The following CABLES1 variants were observed in gnomAD, a reference collection of about 807,000 sequenced individuals.
CABLES1 encodes the protein Cdk5 and Abl enzyme substrate 1.
A neutral mutation model predicts 57.8 loss-of-function variants in CABLES1; 36 were observed. That is an observed-to-expected ratio of 0.62 (90% confidence interval 0.48 to 0.82). The LOEUF is 0.82. Among genes scored for constraint, CABLES1 ranks in the 40% least tolerant of loss-of-function variants. CABLES1 has a pLI of 0.00. For missense variants in CABLES1, 767 were observed against 836.6 expected, an observed-to-expected ratio of 0.92 and a Z score of 1.03; for synonymous variants, 374 against 363.0, an observed-to-expected ratio of 1.03 and a Z score of -0.35.
intron 5 of CABLES1, 112 bp from the exon 6 acceptor site, chr18:23,235,783 C>A: frequency 9.1e-7 from 1 of 1,101,150 alleles, no homozygotes; most frequent in Non-Finnish European, 1.3e-6. Context: ...TTCAGAATTG[C>A]AAATAGGAGA....
At chr18:23,227,437 G>A (rs1015082295) in intron 4 of CABLES1, among the ~76,000 whole-genome samples, 8 of 152,198 alleles carry the variant, frequency 5.3e-5, no homozygotes, top group Non-Finnish European at 8.8e-5. Context: ...CATAAGCTAC[G>A]TTAAGACCCC....
intron 4 of CABLES1, among the ~76,000 whole-genome samples, chr18:23,215,457 C>T (rs763457816): frequency 6.6e-6 from 1 of 152,206 alleles, no homozygotes; most frequent in South Asian, 2.1e-4. Context: ...GCATACACCT[C>T]CAGGGTGTCT....
rs397858640 is a variant in CABLES1 at position 23,255,557 on chromosome 18, ATTTT to A, written c.1761+1638_1761+1641del. On this transcript the variant is annotated intron_variant, in intron 9 of 9. Transcript: ENST00000256925. ...TATACAGACATCTGCTGAACTAATG[ATTTT>A]TTTTTTTTTTTTTTTTGAGACAGGG... 7.1e-3 allele frequency among the ~76,000 whole-genome samples: 940 copies of A among 132,512 alleles called. 8 individuals carry two copies. The highest frequency in any genetic ancestry group is 0.026 in the African/African-American group (882 of 34,518). 86.9% of individuals were successfully genotyped at this position (132,512 alleles called of 152,430 possible).
chr18:23,200,204 T>C (rs1405081035), intron 3 of CABLES1, among the ~76,000 whole-genome samples: 1 of 152,012 alleles, frequency 6.6e-6, no homozygotes, highest in Non-Finnish European at 1.5e-5. Flanking sequence ...AAGTTTTAAG[T>C]CTGATACCAA....
At chr18:23,209,599 G>C (rs574313545) in intron 3 of CABLES1, among the ~76,000 whole-genome samples, 262 of 152,346 alleles carry the variant, frequency 1.7e-3, no homozygotes, top group Non-Finnish European at 3.1e-3. Flanking sequence ...CGTTACTGCA[G>C]ATGTGATTTT....
chr18:23,162,649 G>T (rs1360421151), intron 1 of CABLES1, among the ~76,000 whole-genome samples: 12 of 152,182 alleles, frequency 7.9e-5, no homozygotes. Flanking sequence ...GAGGAGGAGA[G>T]AACAAGCAGG....
At chr18:23,244,704 T>C (rs746907962) in intron 7 of CABLES1, among the ~76,000 whole-genome samples, 39 of 152,222 alleles carry the variant, frequency 2.6e-4, no homozygotes, top group Non-Finnish European at 4.8e-4. Flanking sequence ...TGGAAGGAGC[T>C]GTGTGGCTCA....
At chr18:23,186,371 T>C (rs1018716439) in intron 1 of CABLES1, among the ~76,000 whole-genome samples, 2 of 152,120 alleles carry the variant, frequency 1.3e-5, no homozygotes, top group African/African-American at 4.8e-5. Context: ...TCCCATTTCA[T>C]AGATGAACAA....
intron 4 of CABLES1, among the ~76,000 whole-genome samples, chr18:23,227,494 C>T (rs1011603779): frequency 3.3e-5 from 5 of 152,174 alleles, no homozygotes; most frequent in Non-Finnish European, 5.9e-5. Flanking sequence ...TATGGCTTAT[C>T]GATGGAGTCC....
At chr18:23,195,775 C>T (rs1472005795) in intron 3 of CABLES1, among the ~76,000 whole-genome samples, 3 of 151,760 alleles carry the variant, frequency 2.0e-5, no homozygotes, top group Non-Finnish European at 4.4e-5. Context: ...CCCTTTTTTT[C>T]GCTGACACTT....
At chr18:23,254,036 G>A in intron 9 of CABLES1, 100 bp downstream of exon 9, 1 of 974,758 alleles carries the variant, frequency 1.0e-6, no homozygotes, top group Non-Finnish European at 1.6e-6. Context: ...GAAGGATTCT[G>A]ATCCTTAGTC....
chr18:23,234,775 C>A, intron 5 of CABLES1, 71 bp downstream of exon 5: 1 of 1,245,000 alleles, frequency 8.0e-7, no homozygotes, highest in Non-Finnish European at 1.2e-6. Context: ...AGGAGGGGGG[C>A]AGCCCACAAG....
chr18:23,188,743 AT>A, intron 1 of CABLES1, 94 bp from the exon 2 acceptor site: 1 of 872,386 alleles, frequency 1.1e-6, no homozygotes. Context: ...AACGGACTTC[AT>A]GTTTTTGTTT....
At chr18:23,144,521 T>C (rs2046879296) in intron 1 of CABLES1, among the ~76,000 whole-genome samples, 1 of 152,140 alleles carries the variant, frequency 6.6e-6, no homozygotes, top group Non-Finnish European at 1.5e-5. Flanking sequence ...AGGTGACTTG[T>C]ATGGAGTTCT....
intron 5 of CABLES1, 120 bp from the exon 6 acceptor site, chr18:23,235,775 C>A: frequency 9.7e-7 from 1 of 1,033,896 alleles, no homozygotes; most frequent in Non-Finnish European, 1.4e-6. Flanking sequence ...CATTGAATTT[C>A]AGAATTGCAA....
At chr18:23,198,378 C>T (rs1045819052) in intron 3 of CABLES1, among the ~76,000 whole-genome samples, 4 of 152,092 alleles carry the variant, frequency 2.6e-5, no homozygotes, top group South Asian at 2.1e-4. Context: ...GACTAGATCT[C>T]GAGGAATGGA....
intron 4 of CABLES1, among the ~76,000 whole-genome samples, chr18:23,218,093 C>T (rs1017316926): frequency 6.6e-6 from 1 of 152,260 alleles, no homozygotes; most frequent in Non-Finnish European, 1.5e-5. Context: ...TAATGTGCAG[C>T]TCCAACTTCA....
chr18:23,136,315 C>A lies in CABLES1; in HGVS notation c.553C>A (p.Pro185Thr). ...ASGEQWQPPR[P>T]APLAACAQLQ... ...GGGGGAGCAGTGGCAGCCGCCCCGG[C>A]CGGCGCCTCTCGCCGCCTGTGCCCA... Residue 185 changes from proline to threonine, a missense_variant, in exon 1 of 10, where the codon CCG becomes ACG. Physicochemically the swap from Pro to Thr is conservative, Grantham distance 38 (BLOSUM62 -1). Around this residue, in one of 4 missense-constraint regions of CABLES1, gnomAD observed 529 missense variants for 622.8 expected, o/e 0.85. Coordinates refer to ENST00000256925, the MANE Select transcript of CABLES1 (RefSeq NM_001100619.3). 1 of 1,403,946 alleles carries A rather than the reference C, an allele frequency of 7.1e-7. No individual in the cohort carries two copies. 87.0% of individuals were successfully genotyped at this position (1,403,946 alleles called of 1,614,324 possible).
intron 4 of CABLES1, among the ~76,000 whole-genome samples, chr18:23,225,810 A>C (rs1464356212): frequency 6.6e-6 from 1 of 152,208 alleles, no homozygotes; most frequent in Non-Finnish European, 1.5e-5. Flanking sequence ...AATGAGTTGC[A>C]AGCAACTTTC....
Sources: allele counts gnomAD v4.1 joint callset (sites outside exome capture counted in the v4.1 genomes callset), GRCh38; gene constraint gnomAD v4.1.1; regional missense constraint gnomAD v4.1.1; transcripts MANE v1.5; gene names NCBI Gene and HGNC (gene_info 2026-07-23, HGNC 2026-07-21).